Variants in NAV2 observed in about 807,000 individuals in gnomAD.
The protein encoded by NAV2 is helicase, APC down-regulated 1.
In NAV2, 54 loss-of-function variants were observed where a neutral mutation model predicts 223.2. That is an observed-to-expected ratio of 0.24 (90% CI 0.19 to 0.30). The LOEUF (loss-of-function observed/expected upper bound fraction) is 0.30. Ranked by LOEUF, NAV2 falls within the 10% of genes least tolerant of loss-of-function variation. NAV2 has a pLI of 1.00. For missense variants in NAV2, 2,806 were observed against 3,147.5 expected (o/e 0.89, Z 2.60); for synonymous variants, 1,279 against 1,239.3 (o/e 1.03, Z -0.67).
At chr11:19,690,821 GC>G (rs1452078545) in intron 1 of NAV2, among the ~76,000 whole-genome samples, 1 of 152,192 alleles carries the variant, frequency 6.6e-6, no homozygotes, top group African/African-American at 2.4e-5. Flanking sequence ...TGGGGAACTG[GC>G]CCCAGAGAGG....
upstream of NAV2, among the ~76,000 whole-genome samples, chr11:19,709,199 T>G (rs2152301248): frequency 1.3e-5 from 2 of 152,206 alleles, 1 homozygote; most frequent in Middle Eastern, 6.8e-3. Flanking sequence ...GTTATTATGA[T>G]AAATTATTTT....
chr11:19,816,343 A>G (rs927076138), intron 1 of NAV2, among the ~76,000 whole-genome samples: 1 of 152,234 alleles, frequency 6.6e-6, no homozygotes, highest in Non-Finnish European at 1.5e-5. Context: ...CAACTTTCCC[A>G]CAAGTGACAC....
upstream of NAV2, chr11:19,350,580 G>T: frequency 3.8e-6 from 1 of 266,036 alleles, no homozygotes; most frequent in South Asian, 5.6e-5. Flanking sequence ...TAAATTATCT[G>T]TGCCAAGGAG....
intron 1 of NAV2, among the ~76,000 whole-genome samples, chr11:19,699,645 T>C (rs60992579): frequency 0.036 from 5,479 of 152,258 alleles, 225 homozygotes; most frequent in East Asian, 0.17. Context: ...TACTCCATAG[T>C]AGAAGAGTAG....
chr11:20,092,707 G>A (rs1438457306), intron 28 of NAV2, among the ~76,000 whole-genome samples: 3 of 152,204 alleles, frequency 2.0e-5, no homozygotes. Context: ...AGTTGAGGCA[G>A]TGGCTTGGTC....
intron 1 of NAV2, among the ~76,000 whole-genome samples, chr11:19,496,277 A>C (rs11025156): frequency 1.6e-4 from 25 of 152,164 alleles, no homozygotes; most frequent in African/African-American, 5.3e-4. Flanking sequence ...AAAACAATAA[A>C]CATTTATTAT....
intron 11 of NAV2, among the ~76,000 whole-genome samples, chr11:19,985,828 G>A (rs768273442): frequency 6.6e-6 from 1 of 151,930 alleles, no homozygotes; most frequent in Admixed American, 6.6e-5. Context: ...CACCTGCCTC[G>A]GCCTCCCAAA....
intron 1 of NAV2, among the ~76,000 whole-genome samples, chr11:19,523,189 C>T (rs1037868744): frequency 6.6e-6 from 1 of 152,224 alleles, no homozygotes; most frequent in Non-Finnish European, 1.5e-5. Context: ...ACACCCAAGG[C>T]CCCCATCTCC....
chr11:20,019,246 G>C (rs1354896738), intron 11 of NAV2, among the ~76,000 whole-genome samples: 1 of 152,202 alleles, frequency 6.6e-6, no homozygotes, highest in African/African-American at 2.4e-5. Context: ...TCTTATTGCA[G>C]ATGTTCAGTA....
At chr11:19,501,090 T>C (rs570836949) in intron 1 of NAV2, among the ~76,000 whole-genome samples, 1 of 152,286 alleles carries the variant, frequency 6.6e-6, no homozygotes, top group African/African-American at 2.4e-5. Context: ...TCCTTCCATC[T>C]TCAAAGTCAG....
intron 4 of NAV2, among the ~76,000 whole-genome samples, chr11:19,879,129 C>T (rs1477961794): frequency 6.6e-6 from 1 of 152,194 alleles, no homozygotes; most frequent in African/African-American, 2.4e-5. Context: ...GGAGAAGCCC[C>T]TCGTGAGCCA....
At chr11:19,375,650 C>T (rs1002490986) in intron 1 of NAV2, among the ~76,000 whole-genome samples, 1 of 152,090 alleles carries the variant, frequency 6.6e-6, no homozygotes, top group African/African-American at 2.4e-5. Context: ...TCGGATGGAC[C>T]TAAATTTATC....
rs528896771 is a variant in NAV2 at position 19,912,044 on chromosome 11, T to C, written c.931+19450T>C. Among the ~76,000 whole-genome samples the C allele has an allele frequency of 9.7e-4, 148 of 152,352 alleles. 5 individuals are homozygous for C. In the South Asian group the frequency reaches 0.03, roughly 31 times the overall value. On this transcript the variant is annotated intron_variant, in intron 6 of 37. Transcript: ENST00000349880. ...ATGATGGATTGCAGGCATTTCATCA[T>C]TGAATTTCTACTAGGTTACATCCTG...
At chr11:19,478,140 T>G (rs1031246647) in intron 1 of NAV2, among the ~76,000 whole-genome samples, 4 of 152,122 alleles carry the variant, frequency 2.6e-5, no homozygotes, top group Non-Finnish European at 5.9e-5. Context: ...CAGGGTCAAT[T>G]AGAGAAAGTG....
chr11:19,777,253 C>G (rs2056323269), intron 1 of NAV2, among the ~76,000 whole-genome samples: 1 of 151,366 alleles, frequency 6.6e-6, no homozygotes, highest in Non-Finnish European at 1.5e-5. Flanking sequence ...GCGCGGGCGC[C>G]GGTCTCCAGG....
chr11:19,904,332 A>C (rs1486387861), intron 6 of NAV2, among the ~76,000 whole-genome samples: 2 of 152,218 alleles, frequency 1.3e-5, no homozygotes, highest in South Asian at 4.1e-4. Flanking sequence ...TTCTGCCTGC[A>C]TGGAACTTAA....
intron 12 of NAV2, among the ~76,000 whole-genome samples, chr11:20,037,860 C>T (rs1231285225): frequency 6.6e-6 from 1 of 151,978 alleles, no homozygotes; most frequent in Non-Finnish European, 1.5e-5. Flanking sequence ...TTTCCTGAGG[C>T]TCATTGTATA....
chr11:19,577,806 ATGG>A (rs1022223672), intron 1 of NAV2, among the ~76,000 whole-genome samples: 3 of 152,118 alleles, frequency 2.0e-5, no homozygotes, highest in Admixed American at 2.0e-4. Context: ...TTCTGTTCCA[ATGG>A]TGGCAGCAGC....
At position 19,457,680 on chromosome 11, in the gene NAV2, G is replaced by A. The variant is rs1852002428; in HGVS notation, c.75+106653G>A. Among the ~76,000 whole-genome samples the A allele has an allele frequency of 2.0e-5, 3 of 152,294 alleles. No individual in the cohort carries two copies. In the South Asian group the frequency reaches 6.2e-4, roughly 32 times the overall value. On this transcript the variant is annotated intron_variant, in intron 1 of 37. Coordinates refer to the NAV2 transcript ENST00000360655. ...GTAGGGAGTGGGAGAGAGGAGAACA[G>A]GAAGGCCAGTCATCCCTGCAGGAGA...
Sources: gnomAD v4.1 joint callset for allele counts (sites outside exome capture counted in the v4.1 genomes callset) on GRCh38, gnomAD v4.1.1 for gene constraint, MANE v1.5 for transcripts, NCBI Gene and HGNC (gene_info 2026-07-23, HGNC 2026-07-21) for gene names.